Variants in JAZF1 observed in about 807,000 individuals in gnomAD.
The protein encoded by JAZF1 is JAZF zinc finger 1, also known as juxtaposed with another zinc finger protein 1.
Under a neutral mutation model 26.4 loss-of-function variants are expected in JAZF1, and 8 were observed. The observed-to-expected ratio is 0.30, with a 90% CI of 0.18 to 0.55. The LOEUF is 0.55. JAZF1 is among the 20% of genes least tolerant of loss of function. JAZF1 has a pLI of 0.94. For missense variants in JAZF1, 199 were observed against 322.0 expected (o/e 0.62, Z 2.92); for synonymous variants, 126 against 122.3 (o/e 1.03, Z -0.20).
chr7:27,886,135 G>A (rs1432057248), intron 3 of JAZF1, among the ~76,000 whole-genome samples: 1 of 152,174 alleles, frequency 6.6e-6, no homozygotes, highest in Non-Finnish European at 1.5e-5. Flanking sequence ...TAGAATCAGT[G>A]TAAACACAGC....
rs574835166 is a variant in JAZF1 at position 27,992,067 on chromosome 7, C to T, written c.116-86G>A. On this transcript the variant is annotated intron_variant, in intron 1 of 4. Coordinates refer to ENST00000283928, the MANE Select transcript of JAZF1 (RefSeq NM_175061.4). ...CTAACACAAAGTAACAGAGGCTAAGCAGAGAAAAAGATTAATTTAGTACAC... is the reference window on the plus strand; with the variant it reads ...CTAACACAAAGTAACAGAGGCTAAGTAGAGAAAAAGATTAATTTAGTACAC... 1.8e-4 allele frequency: 146 copies of T among 833,878 alleles called. 1 individual carries two copies. The South Asian group carries it at 1.9e-3, about 11-fold the overall frequency. 51.7% of individuals were successfully genotyped at this position (833,878 alleles called of 1,614,324 possible). A position where few individuals can be genotyped will look rare whatever the true frequency, so the allele number is the denominator to read the frequency against.
chr7:27,978,742 A>G (rs771434769), intron 2 of JAZF1, among the ~76,000 whole-genome samples: 2 of 152,202 alleles, frequency 1.3e-5, no homozygotes, highest in Admixed American at 6.5e-5. Flanking sequence ...CTTAAAATGC[A>G]TATCAGCATA....
chr7:28,046,600 C>T (rs1783500656), intron 1 of JAZF1, among the ~76,000 whole-genome samples: 1 of 152,200 alleles, frequency 6.6e-6, no homozygotes, highest in Non-Finnish European at 1.5e-5. Flanking sequence ...TGTAAATCTA[C>T]ATTTCTAGAA....
intron 1 of JAZF1, among the ~76,000 whole-genome samples, chr7:28,015,557 C>A (rs1302800823): frequency 6.6e-6 from 1 of 152,084 alleles, no homozygotes; most frequent in African/African-American, 2.4e-5. Flanking sequence ...AAGCAAGATG[C>A]TAAATACACA....
intron 1 of JAZF1, among the ~76,000 whole-genome samples, chr7:28,169,867 C>T (rs532674008): frequency 1.4e-4 from 21 of 152,272 alleles, no homozygotes; most frequent in Non-Finnish European, 2.4e-4. Context: ...AATTAGCATT[C>T]GAGAGGCTCT....
chr7:27,865,773 G>A (rs559572608), intron 3 of JAZF1, among the ~76,000 whole-genome samples: 1 of 152,278 alleles, frequency 6.6e-6, no homozygotes, highest in South Asian at 2.1e-4. Flanking sequence ...AAGGGCCCAA[G>A]TAGAAGGGAG....
chr7:28,110,944 C>T (rs111678140), intron 1 of JAZF1, among the ~76,000 whole-genome samples: 218 of 152,290 alleles, frequency 1.4e-3, no homozygotes, highest in Middle Eastern at 0.01. Context: ...AAAACTACCA[C>T]TGGTAATACA....
At chr7:28,121,198 A>G (rs1583571914) in intron 1 of JAZF1, among the ~76,000 whole-genome samples, 1 of 151,882 alleles carries the variant, frequency 6.6e-6, no homozygotes, top group Admixed American at 6.6e-5. Context: ...AAAAAAAAGA[A>G]AAAGAAAAGG....
At chr7:27,921,187 C>G (rs143789606) in intron 2 of JAZF1, among the ~76,000 whole-genome samples, 74 of 152,314 alleles carry the variant, frequency 4.9e-4, no homozygotes, top group African/African-American at 1.7e-3. Context: ...TGAGTCCGGA[C>G]AGAGTCATCT....
intron 2 of JAZF1, among the ~76,000 whole-genome samples, chr7:27,909,002 TATTCATTCATTC>T (rs71555720): frequency 1.3e-5 from 2 of 151,052 alleles, no homozygotes; most frequent in East Asian, 3.9e-4. Context: ...ACTTGAATAA[TATTCATTCATTC>T]ATTCATTCAT....
intron 1 of JAZF1, among the ~76,000 whole-genome samples, chr7:28,035,490 T>G (rs1314847941): frequency 6.6e-6 from 1 of 151,918 alleles, no homozygotes; most frequent in Non-Finnish European, 1.5e-5. Context: ...AATAAATTTT[T>G]CAGAAAATAT....
chr7:27,914,171 A>C (rs1284533194), intron 2 of JAZF1, among the ~76,000 whole-genome samples: 1 of 152,194 alleles, frequency 6.6e-6, no homozygotes, highest in East Asian at 1.9e-4. Context: ...TGTAAACTGG[A>C]AAGTTGAGTC....
intron 2 of JAZF1, among the ~76,000 whole-genome samples, chr7:27,926,909 T>C (rs1214477536): frequency 6.6e-6 from 1 of 152,202 alleles, no homozygotes; most frequent in East Asian, 1.9e-4. Context: ...ATTGATATCA[T>C]GACAACAGCA....
chr7:27,907,416 T>A (rs931119237), intron 2 of JAZF1, among the ~76,000 whole-genome samples: 1 of 152,206 alleles, frequency 6.6e-6, no homozygotes, highest in African/African-American at 2.4e-5. Context: ...TTAACTGCCA[T>A]CTAGGAGAAT....
intron 3 of JAZF1, among the ~76,000 whole-genome samples, chr7:27,845,658 T>C (rs78700529): frequency 0.24 from 33,856 of 142,690 alleles, 4,976 homozygotes; most frequent in East Asian, 0.52. Flanking sequence ...GATGGCGCCA[T>C]TGCACTCCAG....
chr7:28,006,245 T>C (rs952995687), intron 1 of JAZF1, among the ~76,000 whole-genome samples: 2 of 152,176 alleles, frequency 1.3e-5, no homozygotes. Flanking sequence ...GGTGTGCTCC[T>C]GTAGTCCCAG....
chr7:27,864,920 A>G (rs1382460850), intron 3 of JAZF1, among the ~76,000 whole-genome samples: 1 of 152,274 alleles, frequency 6.6e-6, no homozygotes, highest in East Asian at 1.9e-4. Flanking sequence ...TTTCTGTGGC[A>G]ATGGGCTCCC....
At chr7:27,941,896 G>C (rs1385256330) in intron 2 of JAZF1, among the ~76,000 whole-genome samples, 1 of 152,218 alleles carries the variant, frequency 6.6e-6, no homozygotes, top group Non-Finnish European at 1.5e-5. Context: ...AGTGGGGTAA[G>C]GGGGAGGGGA....
At chr7:27,952,417 G>A (rs188049247) in intron 2 of JAZF1, among the ~76,000 whole-genome samples, 2 of 152,336 alleles carry the variant, frequency 1.3e-5, no homozygotes, top group Admixed American at 1.3e-4. Context: ...TGTCAATAGG[G>A]GACCTTTCCC....
Sources: allele counts gnomAD v4.1 joint callset (sites outside exome capture counted in the v4.1 genomes callset), GRCh38; gene constraint gnomAD v4.1.1; transcripts MANE v1.5; gene names NCBI Gene and HGNC (gene_info 2026-07-23, HGNC 2026-07-21).